Variants in MAST2 observed in about 807,000 individuals in gnomAD.
MAST2 encodes the protein microtubule associated serine/threonine kinase 2, also known as microtubule-associated serine/threonine-protein kinase 2.
MAST2 carries 70 observed loss-of-function variants against 147.4 expected under a neutral mutation model. The observed-to-expected ratio is 0.47, with a 90% CI of 0.39 to 0.58. MAST2 has a LOEUF of 0.58. Ranked by LOEUF, MAST2 falls within the 20% of genes least tolerant of loss-of-function variation. The pLI is 0.00. For missense variants in MAST2, 2,080 were observed against 2,302.3 expected (o/e 0.90, Z 1.98); for synonymous variants, 869 against 896.8 (o/e 0.97, Z 0.55).
chr1:46,032,588 T>C lies in MAST2; in HGVS notation c.3415-8T>C, dbSNP rs1413503486. The C allele has an allele frequency of 1.9e-6, 3 of 1,613,630 alleles. No homozygotes were observed. The highest frequency in any genetic ancestry group is 1.3e-5 in the African/African-American group (1 of 74,944). ...TCCAGTCTGAGTACTGTTCTCTTCC[T>C]GGCACAGCACGTGGAGGATGGAGGT... On this transcript the variant is annotated splice_polypyrimidine_tract_variant and splice_region_variant and intron_variant, in intron 25 of 28. Transcript: ENST00000361297.
Position 46,033,950 on chromosome 1 carries a change from G to C in MAST2, c.3674+12G>C, listed in dbSNP as rs748642453. The C allele has an allele frequency of 1.9e-6, 3 of 1,613,858 alleles. 1 individual carries two copies. The South Asian group carries it at 3.3e-5, about 18-fold the overall frequency. On this transcript the variant is annotated intron_variant, in intron 27 of 28. Coordinates refer to ENST00000361297, the MANE Select transcript of MAST2 (RefSeq NM_015112.3). ...GATGGGCAAGAAAGGTGAGCCAGGC[G>C]CAGTGAAGAGGGTTTTCTCTGAGCC...
At chr1:46,013,493 C>A (rs886697610) in intron 10 of MAST2, among the ~76,000 whole-genome samples, 2 of 152,060 alleles carry the variant, frequency 1.3e-5, no homozygotes, top group Non-Finnish European at 2.9e-5. Flanking sequence ...CCAGCCTGAT[C>A]AACATGGAGA....
chr1:45,849,957 A>G (rs147503090), intron 3 of MAST2, among the ~76,000 whole-genome samples: 1 of 152,238 alleles, frequency 6.6e-6, no homozygotes, highest in Non-Finnish European at 1.5e-5. Flanking sequence ...TTTCTTTTGT[A>G]TATTTACCCA....
At chr1:45,832,445 CCACCT>C (rs1644987173) in intron 3 of MAST2, among the ~76,000 whole-genome samples, 1 of 151,952 alleles carries the variant, frequency 6.6e-6, no homozygotes, top group Admixed American at 6.6e-5. Flanking sequence ...CAGATGTGTG[CCACCT>C]CACCTGGCTA....
In MAST2 at chr1:46,023,875, G is replaced by A. The variant is rs923791641; in HGVS notation, c.1675G>A (p.Val559Met). The change falls in exon 15 of 29, where the codon GTG becomes ATG. Residue 559 changes from valine (V) to methionine (M), a missense_variant. Val to Met is a conservative substitution (Grantham distance 21). Coordinates refer to ENST00000361297, the MANE Select transcript of MAST2 (RefSeq NM_015112.3). The surrounding 1 kb of genome is among the most constrained non-coding windows in gnomAD (Gnocchi z 4.9). ...ILRNQIQQAF[V>M]ERDILTFAEN... ...ACGGAACCAGATCCAGCAGGCCTTC[G>A]TGGAGCGTGACATACTGACTTTCGC... 9.3e-6 allele frequency: 15 copies of A among 1,614,018 alleles called. No individual in the cohort carries two copies. The highest frequency in any genetic ancestry group is 6.7e-5 in the African/African-American group (5 of 74,910).
intron 4 of MAST2, among the ~76,000 whole-genome samples, chr1:45,928,586 C>CT (rs946011815): frequency 7.9e-6 from 1 of 126,154 alleles, no homozygotes; most frequent in Non-Finnish European, 1.7e-5. Context: ...TTTTTCTTTT[C>CT]TTTTTTTCCT....
chr1:45,845,912 C>G (rs1645416779), intron 3 of MAST2, among the ~76,000 whole-genome samples: 2 of 152,162 alleles, frequency 1.3e-5, no homozygotes, highest in African/African-American at 4.8e-5. Flanking sequence ...AGGTGCCCAC[C>G]ACCATGCCCG....
intron 4 of MAST2, among the ~76,000 whole-genome samples, chr1:45,931,827 T>G (rs1343655232): frequency 6.6e-6 from 1 of 152,020 alleles, no homozygotes; most frequent in Non-Finnish European, 1.5e-5. Flanking sequence ...TAGCTGGAAA[T>G]ACAGGCATAC....
At chr1:45,835,885 C>G (rs1022274800) in intron 3 of MAST2, among the ~76,000 whole-genome samples, 3 of 152,100 alleles carry the variant, frequency 2.0e-5, no homozygotes, top group African/African-American at 7.2e-5. Context: ...TGGCTTTTTT[C>G]ACTTAGCCCA....
At chr1:45,986,463 C>T (rs1324750137) in intron 5 of MAST2, among the ~76,000 whole-genome samples, 1 of 152,060 alleles carries the variant, frequency 6.6e-6, no homozygotes, top group Non-Finnish European at 1.5e-5. Context: ...TGCCTGTAAT[C>T]CCAGCACTTT....
At chr1:45,931,059 CAT>C (rs1655208715) in intron 4 of MAST2, among the ~76,000 whole-genome samples, 1 of 152,202 alleles carries the variant, frequency 6.6e-6, no homozygotes, top group Non-Finnish European at 1.5e-5. Context: ...AGAAAATTAA[CAT>C]TAATAAATAT....
chr1:45,962,615 G>T (rs1445570364), intron 5 of MAST2, among the ~76,000 whole-genome samples: 1 of 152,146 alleles, frequency 6.6e-6, no homozygotes, highest in African/African-American at 2.4e-5. Context: ...TTGTGATGGG[G>T]TTGTTTGTTT....
intron 4 of MAST2, chr1:45,913,729 C>T: frequency 9.9e-7 from 1 of 1,010,266 alleles, no homozygotes; most frequent in Middle Eastern, 2.8e-4. Flanking sequence ...GTTTGGGAAG[C>T]TTTTATAATT....
chr1:45,875,174 G>A (rs113934920), intron 3 of MAST2, among the ~76,000 whole-genome samples: 10,680 of 152,226 alleles, frequency 0.07, 504 homozygotes, highest in Non-Finnish European at 0.1. Context: ...GGCCGGGCAC[G>A]GTGGCTCACG....
intron 3 of MAST2, among the ~76,000 whole-genome samples, chr1:45,858,548 C>T (rs1158340374): frequency 6.7e-6 from 1 of 149,194 alleles, no homozygotes; most frequent in African/African-American, 2.5e-5. Flanking sequence ...AAAAATTTTC[C>T]CCCATTCTGT....
intron 5 of MAST2, among the ~76,000 whole-genome samples, chr1:45,961,157 C>G (rs151120224): frequency 2.6e-5 from 4 of 152,118 alleles, no homozygotes; most frequent in Admixed American, 2.6e-4. Flanking sequence ...GAAGATACCA[C>G]CAAGAGAACA....
At chr1:46,012,442 G>A (rs368433278) in intron 10 of MAST2, among the ~76,000 whole-genome samples, 56 of 152,350 alleles carry the variant, frequency 3.7e-4, no homozygotes, top group Middle Eastern at 6.8e-3. Context: ...AAAGAATTCA[G>A]TGCAGGCTCT....
At chr1:45,948,085 A>G (rs1316781342) in intron 4 of MAST2, among the ~76,000 whole-genome samples, 3 of 152,240 alleles carry the variant, frequency 2.0e-5, no homozygotes, top group African/African-American at 7.2e-5. Flanking sequence ...ACTAGCAGAA[A>G]GCACTAGCAT....
At chr1:45,835,436 C>T (rs1425506001) in intron 3 of MAST2, among the ~76,000 whole-genome samples, 1 of 152,084 alleles carries the variant, frequency 6.6e-6, no homozygotes, top group Non-Finnish European at 1.5e-5. Context: ...ACCATTCTAA[C>T]ATGATACTGT....
Sources: allele counts gnomAD v4.1 joint callset (sites outside exome capture counted in the v4.1 genomes callset), GRCh38; gene constraint gnomAD v4.1.1; non-coding constraint Gnocchi (gnomAD v3.1); transcripts MANE v1.5; gene names NCBI Gene and HGNC (gene_info 2026-07-23, HGNC 2026-07-21).